The following PRKCH variants were observed in gnomAD, a reference collection of about 807,000 sequenced individuals.
The protein encoded by PRKCH is protein kinase C eta, also known as protein kinase C eta type.
PRKCH carries 28 observed loss-of-function variants against 82.5 expected under a neutral mutation model. The observed-to-expected ratio is 0.34, with a 90% CI of 0.25 to 0.47. The LOEUF (loss-of-function observed/expected upper bound fraction) is 0.47. Ranked by LOEUF, PRKCH falls within the 20% of genes least tolerant of loss-of-function variation. PRKCH has a pLI of 1.00. For missense variants in PRKCH, 705 were observed against 881.8 expected (o/e 0.80, Z 2.54); for synonymous variants, 322 against 327.4 (o/e 0.98, Z 0.18).
At chr14:61,350,632 A>G (rs552047942) in intron 1 of PRKCH, among the ~76,000 whole-genome samples, 2 of 151,886 alleles carry the variant, frequency 1.3e-5, no homozygotes. Context: ...CCCCTCCCCC[A>G]TGGAGGGGTC....
chr14:61,210,895 A>G (rs987309614), intron 1 of PRKCH, among the ~76,000 whole-genome samples: 6 of 152,154 alleles, frequency 3.9e-5, no homozygotes, highest in African/African-American at 1.4e-4. Context: ...GAGGCATTGC[A>G]TATAGGGATT....
At chr14:61,334,998 C>G in intron 1 of PRKCH, among the ~76,000 whole-genome samples, 1 of 152,018 alleles carries the variant, frequency 6.6e-6, no homozygotes, top group African/African-American at 2.4e-5. Flanking sequence ...CACTCCTAGC[C>G]TGGTTGCTTT....
intron 1 of PRKCH, among the ~76,000 whole-genome samples, chr14:61,288,962 C>G (rs995913092): frequency 1.3e-5 from 2 of 152,230 alleles, no homozygotes; most frequent in Non-Finnish European, 2.9e-5. Flanking sequence ...CATCAGGCAG[C>G]TCCCTTCTCT....
chr14:61,265,340 G>A (rs2045089038), intron 1 of PRKCH, among the ~76,000 whole-genome samples: 1 of 152,152 alleles, frequency 6.6e-6, no homozygotes, highest in African/African-American at 2.4e-5. Context: ...AATTAGCAGG[G>A]CATGGAGGTG....
chr14:61,428,821 C>A (rs1468247433), intron 2 of PRKCH, among the ~76,000 whole-genome samples: 1 of 152,210 alleles, frequency 6.6e-6, no homozygotes, highest in Admixed American at 6.5e-5. Context: ...GAAATTCAAT[C>A]ATTGCCTATG....
At chr14:61,238,479 T>C (rs1197819018) in intron 1 of PRKCH, among the ~76,000 whole-genome samples, 1 of 152,222 alleles carries the variant, frequency 6.6e-6, no homozygotes. Flanking sequence ...GCAAACTTGT[T>C]TGGAGCCCTT....
intron 1 of PRKCH, among the ~76,000 whole-genome samples, chr14:61,254,790 G>C (rs1414997689): frequency 6.6e-6 from 1 of 152,146 alleles, no homozygotes; most frequent in East Asian, 1.9e-4. Flanking sequence ...TCTTCCAAAG[G>C]ACATGGTCAG....
At position 61,549,874 on chromosome 14, in the gene PRKCH, A is replaced by G. The variant is rs1406982221; in HGVS notation, c.*43A>G. 6.3e-7 allele frequency: 1 copy of G among 1,589,768 alleles called. No homozygotes were observed. Among genetic ancestry groups the G allele is most frequent in the Non-Finnish European group, 8.6e-7 (1 of 1,168,004 alleles). On this transcript the variant is annotated 3_prime_UTR_variant, in exon 14 of 14. Transcript: ENST00000332981. Reference sequence around the variant, plus strand: ...GAGAGGGCACGAGAACCCAAAGGGAATAGAGATTCTCCAGGAATTTCCTCT... The same window carrying G: ...GAGAGGGCACGAGAACCCAAAGGGAGTAGAGATTCTCCAGGAATTTCCTCT...
intron 3 of PRKCH, among the ~76,000 whole-genome samples, chr14:61,444,735 G>GC (rs1884139900): frequency 6.6e-6 from 1 of 152,154 alleles, no homozygotes; most frequent in African/African-American, 2.4e-5. Flanking sequence ...TAGTCAAGTT[G>GC]CGTAGCCTGT....
intron 1 of PRKCH, among the ~76,000 whole-genome samples, chr14:61,247,330 T>G (rs533939028): frequency 1.1e-4 from 17 of 152,160 alleles, no homozygotes; most frequent in Non-Finnish European, 2.2e-4. Context: ...TGTTACTAGG[T>G]TTCTCTATAT....
intron 9 of PRKCH, among the ~76,000 whole-genome samples, chr14:61,484,107 T>G (rs1489950140): frequency 6.6e-6 from 1 of 151,988 alleles, no homozygotes; most frequent in African/African-American, 2.4e-5. Context: ...CCTCGCAAAA[T>G]AATCTGCAAT....
At chr14:61,330,608 G>A (rs2045772073) in intron 1 of PRKCH, among the ~76,000 whole-genome samples, 1 of 152,166 alleles carries the variant, frequency 6.6e-6, no homozygotes, top group African/African-American at 2.4e-5. Flanking sequence ...ATAGCTCTTA[G>A]GCCTGCAGAC....
At chr14:61,529,913 A>AAAAAT (rs1555396321) in intron 11 of PRKCH, among the ~76,000 whole-genome samples, 13 of 125,586 alleles carry the variant, frequency 1.0e-4, no homozygotes, top group African/African-American at 2.6e-4. Flanking sequence ...AATAAAAAAA[A>AAAAAT]ATATATATAT....
chr14:61,470,563 A>G, intron 9 of PRKCH, among the ~76,000 whole-genome samples: 1 of 152,120 alleles, frequency 6.6e-6, no homozygotes, highest in African/African-American at 2.4e-5. Flanking sequence ...GGGCTTTGGC[A>G]TGCCCTGTCT....
rs140880694 is a variant in PRKCH, at chr14:61,370,384, C to T, written c.364-20841C>T. On this transcript the variant is annotated intron_variant, in intron 1 of 13. Coordinates refer to ENST00000332981, the MANE Select transcript of PRKCH (RefSeq NM_006255.5). ...TGGTTGCCCAACTTTACTGGAGTCA[C>T]CTGGAGTTTGTTAAGTGCGATGCCA... Among the ~76,000 whole-genome samples the T allele has an allele frequency of 7.9e-5, 12 of 152,144 alleles. No individual in the cohort carries two copies. In the East Asian group the frequency reaches 2.1e-3, roughly 27 times the overall value.
chr14:61,468,339 T>C (rs190471869), intron 9 of PRKCH, among the ~76,000 whole-genome samples: 88 of 152,266 alleles, frequency 5.8e-4, no homozygotes, highest in African/African-American at 2.0e-3. Flanking sequence ...TGTTCCATCT[T>C]TTTTTTAGGT....
At chr14:61,345,880 T>G (rs1264137463) in intron 1 of PRKCH, among the ~76,000 whole-genome samples, 3 of 151,966 alleles carry the variant, frequency 2.0e-5, no homozygotes, top group Non-Finnish European at 4.4e-5. Context: ...CTCTCTTTTT[T>G]TTTTTTTAAA....
chr14:61,442,321 C>A lies in PRKCH; in HGVS notation c.428-790C>A, dbSNP rs538521499. Among the ~76,000 whole-genome samples the A allele has an allele frequency of 1.1e-4, 16 of 152,290 alleles. No individual in the cohort carries two copies. The East Asian group carries it at 1.9e-3, about 18-fold the overall frequency. On this transcript the variant is annotated intron_variant, in intron 2 of 13. Coordinates refer to ENST00000332981, the MANE Select transcript of PRKCH (RefSeq NM_006255.5). ...TGCACCTATTCCAGGTTAATTTCTA[C>A]CTATTCCAGGTTAACAGAGGTGATC...
chr14:61,274,605 T>C (rs774801761), intron 1 of PRKCH, among the ~76,000 whole-genome samples: 6 of 152,130 alleles, frequency 3.9e-5, no homozygotes, highest in Non-Finnish European at 7.4e-5. Context: ...AGGTTGATTC[T>C]AAGAGGAAAC....
Sources: allele counts gnomAD v4.1 joint callset (sites outside exome capture counted in the v4.1 genomes callset), GRCh38; gene constraint gnomAD v4.1.1; transcripts MANE v1.5; gene names NCBI Gene and HGNC (gene_info 2026-07-23, HGNC 2026-07-21).